Variants in ATXN3 observed in about 807,000 individuals in gnomAD.
ATXN3 encodes ataxin-3.
In ATXN3, 28 loss-of-function variants were observed where a neutral mutation model predicts 58.2. That is an observed-to-expected ratio of 0.48 (90% CI 0.36 to 0.66). The LOEUF (loss-of-function observed/expected upper bound fraction) is 0.66. Ranked by LOEUF, ATXN3 falls within the 30% of genes least tolerant of loss-of-function variation. The probability of loss-of-function intolerance (pLI) is 0.00; values close to 1 mark genes in which losing one functional copy is unlikely to be tolerated. For synonymous variants in ATXN3, 113 were observed against 138.5 expected (o/e 0.82, Z 1.29); for missense variants, 321 against 422.1 (o/e 0.76, Z 2.10).
intron 1 of ATXN3, among the ~76,000 whole-genome samples, chr14:92,099,609 C>T (rs1445236665): frequency 6.6e-6 from 1 of 152,240 alleles, no homozygotes; most frequent in Non-Finnish European, 1.5e-5. Context: ...TGGCTCATGC[C>T]TGTAATCCCA....
downstream of ATXN3, among the ~76,000 whole-genome samples, chr14:92,054,955 C>T (rs1370943377): frequency 5.3e-5 from 8 of 152,114 alleles, no homozygotes; most frequent in African/African-American, 1.9e-4. Context: ...GATCTCGGCT[C>T]ACTGCAACCT....
chr14:92,081,140 T>C (rs1358445950), intron 8 of ATXN3, 79 bp from the exon 9 acceptor site: 2 of 989,028 alleles, frequency 2.0e-6, no homozygotes, highest in East Asian at 2.5e-5. Flanking sequence ...TTTATACTCA[T>C]TTGAGTAAGC....
chr14:92,103,538 C>G (rs932113918), intron 1 of ATXN3, among the ~76,000 whole-genome samples: 1 of 152,188 alleles, frequency 6.6e-6, no homozygotes, highest in African/African-American at 2.4e-5. Context: ...CAGACTCATG[C>G]AATCCTCCCA....
At chr14:92,080,834 C>G (rs756268067) in intron 9 of ATXN3, 131 bp downstream of exon 9, 2 of 821,578 alleles carry the variant, frequency 2.4e-6, no homozygotes, top group Middle Eastern at 2.4e-4. Flanking sequence ...CCGTGCCCGT[C>G]CTATTTGCTG....
At chr14:92,051,011 C>T (rs4904831), upstream of ATXN3, among the ~76,000 whole-genome samples, 45,350 of 152,188 alleles carry the variant, frequency 0.3, 7,383 homozygotes, top group African/African-American at 0.43. Context: ...TAGTCTGATA[C>T]TTTTCTGAAT....
chr14:92,097,479 G>C (rs1237962246), intron 1 of ATXN3, among the ~76,000 whole-genome samples: 1 of 151,018 alleles, frequency 6.6e-6, no homozygotes, highest in East Asian at 1.9e-4. Flanking sequence ...GCCTGCCTCG[G>C]CCTCCAAAAG....
chr14:92,064,201 C>T lies in ATXN3; in HGVS notation c.*119G>A, dbSNP rs2057986813. 1.6e-6 allele frequency: 1 copy of T among 620,484 alleles called. No individual in the cohort carries two copies. The allele number at this position is 620,484 out of a possible 1,614,324, so 38.4% of individuals were successfully genotyped here. ...TTCCACTTTCCCATCATTTTGTTTG[C>T]AAACCGCTAAAAGTCTTATTTCCTC... On this transcript the variant is annotated 3_prime_UTR_variant, in exon 11 of 11. Transcript: ENST00000644486.
At chr14:92,078,633 G>A (rs1052486383) in intron 9 of ATXN3, among the ~76,000 whole-genome samples, 4 of 152,116 alleles carry the variant, frequency 2.6e-5, no homozygotes, top group African/African-American at 9.7e-5. Flanking sequence ...AAAGTGCTGG[G>A]ATTACAGGTG....
At chr14:92,068,198 A>T (rs2140302092) in intron 10 of ATXN3, among the ~76,000 whole-genome samples, 1 of 152,280 alleles carries the variant, frequency 6.6e-6, no homozygotes, top group South Asian at 2.1e-4. Context: ...AGGGAATGAG[A>T]ATCCCAGCTC....
At position 92,088,843 on chromosome 14, in the gene ATXN3, G is replaced by C. The variant is rs773788085; in HGVS notation, c.388-26C>G. On this transcript the variant is annotated intron_variant, in intron 5 of 10. Coordinates refer to ENST00000644486, the MANE Select transcript of ATXN3 (RefSeq NM_004993.6). Reference sequence around the variant, plus strand: ...CTGGAAAAAAATTGTCAATATTTAAGTTAGTGTATATTATAGGTAATAAGG... The same window carrying C: ...CTGGAAAAAAATTGTCAATATTTAACTTAGTGTATATTATAGGTAATAAGG... 19 of 1,370,650 alleles carry C rather than the reference G, an allele frequency of 1.4e-5. No homozygotes were observed. In the Admixed American group the frequency reaches 3.2e-4, roughly 23 times the overall value. 84.9% of individuals were successfully genotyped at this position (1,370,650 alleles called of 1,614,324 possible). A position where few individuals can be genotyped will look rare whatever the true frequency, so the allele number is the denominator to read the frequency against.
At chr14:92,071,316 C>G (rs2059408561) in intron 9 of ATXN3, 1 of 615,870 alleles carries the variant, frequency 1.6e-6, no homozygotes, top group East Asian at 3.7e-5. Context: ...CCTATCATGG[C>G]CAGGAGTGGT....
Position 92,063,568 on chromosome 14 carries a change from C to G in ATXN3, c.*752G>C, listed in dbSNP as rs1165797631. On this transcript the variant is annotated 3_prime_UTR_variant, in exon 11 of 11. Transcript: ENST00000644486. ...GACATTCATAAAGCATCTGGGAAAG[C>G]ACATGCTCACACATTTTAAAAAATG... is the stretch of plus-strand genomic sequence containing the variant. 3 of 152,186 alleles carry G rather than the reference C, an allele frequency of 2.0e-5. No homozygotes were observed. Among genetic ancestry groups the G allele is most frequent in the African/African-American group, 7.2e-5 (3 of 41,458 alleles). The allele number at this position is 152,186 out of a possible 1,614,324, so 9.4% of individuals were successfully genotyped here. A position where few individuals can be genotyped will look rare whatever the true frequency, so the allele number is the denominator to read the frequency against.
chr14:92,078,990 A>G (rs1016651253), intron 9 of ATXN3, among the ~76,000 whole-genome samples: 1 of 152,136 alleles, frequency 6.6e-6, no homozygotes, highest in Non-Finnish European at 1.5e-5. Context: ...GTTTAAGGCC[A>G]GCCTGGACGA....
chr14:92,086,625 C>T (rs1193242645), intron 6 of ATXN3, among the ~76,000 whole-genome samples: 3 of 150,340 alleles, frequency 2.0e-5, no homozygotes, highest in Non-Finnish European at 4.4e-5. Flanking sequence ...CCCAGCTACT[C>T]GGGAGGTTGA....
intron 5 of ATXN3, 106 bp downstream of exon 5, chr14:92,093,146 T>C: frequency 3.0e-6 from 2 of 663,486 alleles, no homozygotes; most frequent in East Asian, 7.0e-5. Context: ...TCCCCCCACC[T>C]CAGCCTCCCA....
rs919490446 is a variant in ATXN3, at chr14:92,062,791, A to T, written c.*1529T>A. ...AAAAGATATTTTTTCTTCTCTTTTC[A>T]GTTAGTTAGCAATAAATCCTAGATC... On this transcript the variant is annotated 3_prime_UTR_variant, in exon 11 of 11. Transcript: ENST00000644486. The T allele has an allele frequency of 6.6e-6, 1 of 152,618 alleles. No homozygotes were observed. The highest frequency in any genetic ancestry group is 2.4e-5 in the African/African-American group (1 of 41,456). The allele number at this position is 152,618 out of a possible 1,614,324, so 9.5% of individuals were successfully genotyped here. A position where few individuals can be genotyped will look rare whatever the true frequency, so the allele number is the denominator to read the frequency against.
At position 92,093,320 on chromosome 14, in the gene ATXN3, T is replaced by TA; in HGVS notation, c.321-3dup. The TA allele has an allele frequency of 1.4e-6, 2 of 1,386,304 alleles. No individual in the cohort carries two copies. Among genetic ancestry groups the TA allele is most frequent in the Non-Finnish European group, 1.0e-6 (1 of 989,572 alleles). 85.9% of individuals were successfully genotyped at this position (1,386,304 alleles called of 1,614,324 possible). ...TTGCATATAAATGATCTTTCATTTCTAAAAAAGAAAACAGACAATATTAAC... is the reference window on the plus strand; with the variant it reads ...TTGCATATAAATGATCTTTCATTTCTAAAAAAAGAAAACAGACAATATTAAC... On this transcript the variant is annotated splice_polypyrimidine_tract_variant and splice_region_variant and intron_variant, in intron 4 of 10. Coordinates refer to ENST00000644486, the MANE Select transcript of ATXN3 (RefSeq NM_004993.6).
intron 1 of ATXN3, among the ~76,000 whole-genome samples, chr14:92,097,847 G>A (rs1217415113): frequency 6.6e-6 from 1 of 152,028 alleles, no homozygotes; most frequent in Admixed American, 6.6e-5. Context: ...TAACATAGTT[G>A]AACTGAACTT....
intron 10 of ATXN3, among the ~76,000 whole-genome samples, chr14:92,068,698 C>A (rs2140311304): frequency 6.6e-6 from 1 of 152,252 alleles, no homozygotes; most frequent in African/African-American, 2.4e-5. Flanking sequence ...TCAAGCAATT[C>A]TCCTGCCTCA....
Sources: allele counts gnomAD v4.1 joint callset (sites outside exome capture counted in the v4.1 genomes callset), GRCh38; gene constraint gnomAD v4.1.1; transcripts MANE v1.5; gene names NCBI Gene and HGNC (gene_info 2026-07-23, HGNC 2026-07-21).